Variants in PDGFRL observed in about 807,000 individuals in gnomAD.
PDGFRL encodes platelet derived growth factor receptor like.
PDGFRL carries 46 observed loss-of-function variants against 37.2 expected under a neutral mutation model. The observed-to-expected ratio is 1.24, with a 90% CI of 0.98 to 1.58. The LOEUF is 1.58. PDGFRL is among the 40% of genes most tolerant of loss of function. The pLI is 0.00. For missense variants in PDGFRL, 692 were observed against 467.6 expected (o/e 1.48, Z -4.43); for synonymous variants, 251 against 184.3 (o/e 1.36, Z -2.93).
chr8:17,625,391 C>T (rs1804713330), intron 3 of PDGFRL, among the ~76,000 whole-genome samples: 1 of 151,932 alleles, frequency 6.6e-6, no homozygotes. Context: ...ACCTCATGAT[C>T]CGCCTGCCTT....
At position 17,632,024 on chromosome 8, in the gene PDGFRL, C is replaced by T. The variant is rs118030733; in HGVS notation, c.800-2050C>T. On this transcript the variant is annotated intron_variant, in intron 4 of 5. Transcript: ENST00000251630. ...GTGTGCAATGAGATGCTTCGGGGTC[C>T]TCCATCCTCCGCGTGCCATCCCTGG... is the stretch of plus-strand genomic sequence containing the variant. Among the ~76,000 whole-genome samples, 1,261 of 152,346 alleles carry T rather than the reference C, an allele frequency of 8.3e-3. 29 individuals carry two copies. The South Asian group carries it at 0.091, about 11-fold the overall frequency.
At chr8:17,636,709 A>G (rs949556581) in intron 5 of PDGFRL, among the ~76,000 whole-genome samples, 25 of 152,056 alleles carry the variant, frequency 1.6e-4, no homozygotes, top group Admixed American at 1.6e-3. Context: ...TTTTCGCAGT[A>G]TGGTCATTTT....
intron 2 of PDGFRL, among the ~76,000 whole-genome samples, chr8:17,603,958 A>G (rs1464671185): frequency 6.6e-6 from 1 of 151,950 alleles, no homozygotes; most frequent in Admixed American, 6.6e-5. Flanking sequence ...TAAAACTTGG[A>G]GCATGAAGGG....
chr8:17,623,805 TGG>T (rs201654771), intron 3 of PDGFRL, among the ~76,000 whole-genome samples: 8,655 of 151,324 alleles, frequency 0.057, 416 homozygotes, highest in East Asian at 0.14. Context: ...ATCTCGGAGT[TGG>T]TGGTTGCAGT....
chr8:17,605,866 G>T (rs927587715), intron 2 of PDGFRL, among the ~76,000 whole-genome samples: 21 of 152,158 alleles, frequency 1.4e-4, no homozygotes, highest in African/African-American at 4.8e-4. Flanking sequence ...TTTGATGGCT[G>T]GCTCCTCGGA....
Position 17,618,179 on chromosome 8 carries a change from C to T in PDGFRL, c.354-2872C>T, listed in dbSNP as rs575385949. Among the ~76,000 whole-genome samples, 10 of 152,260 alleles carry T rather than the reference C, an allele frequency of 6.6e-5. No individual in the cohort carries two copies. In the South Asian group the frequency reaches 1.9e-3, roughly 28 times the overall value. On this transcript the variant is annotated intron_variant, in intron 2 of 5. Coordinates refer to ENST00000251630, the MANE Select transcript of PDGFRL (RefSeq NM_001372073.1). ...ACTCAAGAGATCCTCCCACATCAGCCTCCTGAATAGCTAGGACTACATGCA... is the reference window on the plus strand; with the variant it reads ...ACTCAAGAGATCCTCCCACATCAGCTTCCTGAATAGCTAGGACTACATGCA...
At position 17,600,709 on chromosome 8, in the gene PDGFRL, GAGA is replaced by G. The variant is rs1422368442; in HGVS notation, c.353+10948_353+10950del. On this transcript the variant is annotated intron_variant, in intron 2 of 5. Coordinates refer to ENST00000251630, the MANE Select transcript of PDGFRL (RefSeq NM_001372073.1). ...TTGCAGCTACTCAGGATGCTGTGGTGAGAAGATCACTTGGGCCCAGGAGTTTGA... is the reference window on the plus strand; with the variant it reads ...TTGCAGCTACTCAGGATGCTGTGGTGAGATCACTTGGGCCCAGGAGTTTGA... 2.6e-5 allele frequency among the ~76,000 whole-genome samples: 4 copies of G among 151,610 alleles called. No individual in the cohort carries two copies. The East Asian group carries it at 7.8e-4, about 29-fold the overall frequency.
At chr8:17,612,409 T>C (rs1372036270) in intron 2 of PDGFRL, among the ~76,000 whole-genome samples, 1 of 152,152 alleles carries the variant, frequency 6.6e-6, no homozygotes, top group Non-Finnish European at 1.5e-5. Flanking sequence ...TCTCACTCTG[T>C]TGCCCAGGCC....
At chr8:17,580,213 A>G (rs1364868159) in intron 1 of PDGFRL, among the ~76,000 whole-genome samples, 1 of 152,158 alleles carries the variant, frequency 6.6e-6, no homozygotes, top group Admixed American at 6.5e-5. Flanking sequence ...GACATTCATT[A>G]TTGTCTGAGA....
At position 17,589,482 on chromosome 8, in the gene PDGFRL, C is replaced by T. The variant is rs574779572; in HGVS notation, c.70C>T (p.Leu24Phe). 3.1e-6 allele frequency: 5 copies of T among 1,612,906 alleles called. No homozygotes were observed. The South Asian group carries it at 3.3e-5, about 11-fold the overall frequency. Residue 24 changes from leucine to phenylalanine, a missense_variant, in exon 2 of 6, where the codon CTT becomes TTT. By Grantham distance (22) the Leu-to-Phe change is conservative (BLOSUM62 0). Transcript: ENST00000251630. ...ACGTTTTGCAGTTACTGGCCAACAC[C>T]TTCCCAAGAACAAGCGTCCAAAAGA... is the stretch of plus-strand genomic sequence containing the variant. ...EALEDVTGQH[L>F]PKNKRPKEPG...
At chr8:17,616,912 A>G (rs1804541468) in intron 2 of PDGFRL, among the ~76,000 whole-genome samples, 1 of 152,070 alleles carries the variant, frequency 6.6e-6, no homozygotes, top group African/African-American at 2.4e-5. Flanking sequence ...CAGGAAATGG[A>G]CCCCACTACT....
intron 2 of PDGFRL, among the ~76,000 whole-genome samples, chr8:17,611,788 G>T: frequency 6.6e-6 from 1 of 152,352 alleles, no homozygotes; most frequent in South Asian, 2.1e-4. Flanking sequence ...TCTGATACGT[G>T]ATGAAAGGCA....
intron 2 of PDGFRL, among the ~76,000 whole-genome samples, chr8:17,590,095 G>A (rs1396670437): frequency 2.6e-5 from 4 of 151,400 alleles, no homozygotes; most frequent in African/African-American, 4.8e-5. Context: ...GCTGGGCGTG[G>A]TGGCAGGTGC....
At chr8:17,633,571 T>C (rs1804904620) in intron 4 of PDGFRL, among the ~76,000 whole-genome samples, 1 of 152,128 alleles carries the variant, frequency 6.6e-6, no homozygotes, top group Non-Finnish European at 1.5e-5. Context: ...ATGAAGAAAT[T>C]TGTTTCTGAA....
chr8:17,626,560 G>A (rs1283330755), intron 3 of PDGFRL, among the ~76,000 whole-genome samples: 1 of 152,168 alleles, frequency 6.6e-6, no homozygotes, highest in African/African-American at 2.4e-5. Flanking sequence ...CACAAAGAAG[G>A]CAAGTGGGGA....
At chr8:17,605,196 A>C (rs756010685) in intron 2 of PDGFRL, among the ~76,000 whole-genome samples, 1 of 152,084 alleles carries the variant, frequency 6.6e-6, no homozygotes, top group African/African-American at 2.4e-5. Context: ...GATGCTGAGT[A>C]ATATAAACCG....
chr8:17,590,627 G>T (rs1018172407), intron 2 of PDGFRL, among the ~76,000 whole-genome samples: 1 of 151,786 alleles, frequency 6.6e-6, no homozygotes, highest in Non-Finnish European at 1.5e-5. Context: ...CAGAAGAGTC[G>T]CTTGAACCCG....
In PDGFRL at chr8:17,589,487, C is replaced by A; in HGVS notation, c.75C>A (p.Pro25=). The part of the protein sequence containing the change: ...ALEDVTGQHL[P]KNKRPKEPGE... ...TTGCAGTTACTGGCCAACACCTTCC[C>A]AAGAACAAGCGTCCAAAAGAACCAG... The change falls in exon 2 of 6, where the codon CCC becomes CCA. Residue 25 remains proline, a synonymous_variant. Coordinates refer to ENST00000251630, the MANE Select transcript of PDGFRL (RefSeq NM_001372073.1). The A allele has an allele frequency of 6.2e-7, 1 of 1,613,266 alleles. No individual in the cohort carries two copies. Among genetic ancestry groups the A allele is most frequent in the South Asian group, 1.1e-5 (1 of 91,048 alleles).
chr8:17,628,241 G>A (rs556839172), intron 3 of PDGFRL, among the ~76,000 whole-genome samples: 1 of 151,882 alleles, frequency 6.6e-6, no homozygotes, highest in African/African-American at 2.4e-5. Flanking sequence ...TGATCTGCCC[G>A]CCTCAGCCTC....
Sources: allele counts gnomAD v4.1 joint callset (sites outside exome capture counted in the v4.1 genomes callset), GRCh38; gene constraint gnomAD v4.1.1; transcripts MANE v1.5; gene names NCBI Gene and HGNC (gene_info 2026-07-23, HGNC 2026-07-21).